The following PCDHGB3 variants were observed in gnomAD, a reference collection of about 807,000 sequenced individuals.
PCDHGB3 encodes protocadherin gamma subfamily B, 3, also known as protocadherin gamma-B3.
A neutral mutation model predicts 59.2 loss-of-function variants in PCDHGB3; 40 were observed. The observed-to-expected ratio is 0.68, with a 90% CI of 0.52 to 0.88. The LOEUF (loss-of-function observed/expected upper bound fraction) is 0.88. PCDHGB3 is among the 40% of genes least tolerant of loss of function. The probability of loss-of-function intolerance (pLI) is 0.00; values close to 1 mark genes in which losing one functional copy is unlikely to be tolerated. For missense variants in PCDHGB3, 1,309 were observed against 1,187.9 expected, an observed-to-expected ratio of 1.10 and a Z score of -1.50; for synonymous variants, 581 against 503.6, an observed-to-expected ratio of 1.15 and a Z score of -2.06.
chr5:141,435,733 T>C (rs950139563), intron 1 of PCDHGB3, among the ~76,000 whole-genome samples: 12 of 152,208 alleles, frequency 7.9e-5, no homozygotes, highest in African/African-American at 2.7e-4. Context: ...AGTGTATTAC[T>C]CTTTGAAAAG....
rs1241061038 is a variant in PCDHGB3 at position 141,394,846 on chromosome 5, T to C, written c.2415+22037T>C. ...GAAGTCCTGACCGAGTTGGGCAGTC[T>C]GAAGCCTTCGGTCGACCCGAACGAT... On this transcript the variant is annotated intron_variant, in intron 1 of 3. Coordinates refer to ENST00000576222, the MANE Select transcript of PCDHGB3 (RefSeq NM_018924.5). The C allele has an allele frequency of 1.9e-6, 3 of 1,613,732 alleles. No homozygotes were observed. In the African/African-American group the frequency reaches 4.0e-5, roughly 22 times the overall value.
Position 141,504,006 on chromosome 5 carries a change from G to C in PCDHGB3, c.2475-1387G>C, listed in dbSNP as rs138738950. Among the ~76,000 whole-genome samples, 1,431 of 152,182 alleles carry C rather than the reference G, an allele frequency of 9.4e-3. 31 individuals are homozygous for C. The highest frequency in any genetic ancestry group is 0.033 in the African/African-American group (1,367 of 41,490). On this transcript the variant is annotated intron_variant, in intron 2 of 3. Coordinates refer to ENST00000576222, the MANE Select transcript of PCDHGB3 (RefSeq NM_018924.5). The stretch of plus-strand genomic sequence containing the variant: ...CTTCTTACCTTACAGTCACTTAACT[G>C]TCTCTGCTGGTCTCTTCCCACTCAT...
chr5:141,481,229 A>G (rs989963485), intron 1 of PCDHGB3, among the ~76,000 whole-genome samples: 5 of 152,212 alleles, frequency 3.3e-5, no homozygotes, highest in African/African-American at 4.8e-5. Context: ...TCCCAGCCTT[A>G]AAGTATTACA....
At chr5:141,383,684 T>C in intron 1 of PCDHGB3, 5 of 1,614,014 alleles carry the variant, frequency 3.1e-6, no homozygotes, top group Non-Finnish European at 4.2e-6. Flanking sequence ...ACAAGACTGC[T>C]CACGGTACAT....
chr5:141,428,459 A>G (rs1322945046), intron 1 of PCDHGB3: 2 of 350,154 alleles, frequency 5.7e-6, no homozygotes, highest in Non-Finnish European at 1.1e-5. Flanking sequence ...CCCAACTACA[A>G]TGAGGGAACT....
chr5:141,414,052 T>C, intron 1 of PCDHGB3: 1 of 1,610,346 alleles, frequency 6.2e-7, no homozygotes, highest in Non-Finnish European at 8.5e-7. Flanking sequence ...TGACACGCAA[T>C]TGTTGAAGTT....
rs953428261 is a variant in PCDHGB3, at chr5:141,430,262, T to C, written c.2415+57453T>C. On this transcript the variant is annotated intron_variant, in intron 1 of 3. Coordinates refer to ENST00000576222, the MANE Select transcript of PCDHGB3 (RefSeq NM_018924.5). ...AACTCCTAGGGAGACATCTCCATAA[T>C]AGGTGTGTTGGGGGAACAGTAATCT... Among the ~76,000 whole-genome samples the C allele has an allele frequency of 2.6e-5, 4 of 151,892 alleles. No homozygotes were observed. The East Asian group carries it at 5.8e-4, about 22-fold the overall frequency.
intron 1 of PCDHGB3, among the ~76,000 whole-genome samples, chr5:141,456,857 G>A (rs957526443): frequency 6.6e-5 from 10 of 152,234 alleles, no homozygotes; most frequent in African/African-American, 2.4e-4. Context: ...CAGCTAATTG[G>A]GAGGCTGAGG....
At chr5:141,474,658 A>G (rs950490550) in intron 1 of PCDHGB3, among the ~76,000 whole-genome samples, 13 of 152,176 alleles carry the variant, frequency 8.5e-5, no homozygotes, top group African/African-American at 3.1e-4. Flanking sequence ...CTTCTTTTCT[A>G]CCTACCTAAC....
In PCDHGB3 at chr5:141,389,617, A is replaced by G. The variant is rs375985151; in HGVS notation, c.2415+16808A>G. 179 of 1,612,924 alleles carry G rather than the reference A, an allele frequency of 1.1e-4. No individual in the cohort carries two copies. The Middle Eastern group carries it at 3.6e-3, about 32-fold the overall frequency. ...TCTGCGCTCTTCGATATGGTGCCGC[A>G]CGCTGCAGAGCCTGGCTACTTGGTG... is the stretch of plus-strand genomic sequence containing the variant. On this transcript the variant is annotated intron_variant, in intron 1 of 3. Transcript: ENST00000576222.
At chr5:141,446,830 A>G (rs1289946397) in intron 1 of PCDHGB3, among the ~76,000 whole-genome samples, 1 of 152,176 alleles carries the variant, frequency 6.6e-6, no homozygotes, top group Non-Finnish European at 1.5e-5. Flanking sequence ...GTAGATCCTT[A>G]TAAGGCTGAG....
At chr5:141,404,672 G>T in intron 1 of PCDHGB3, 1 of 1,614,156 alleles carries the variant, frequency 6.2e-7, no homozygotes, top group Non-Finnish European at 8.5e-7. Flanking sequence ...TGGTTCTACT[G>T]GTGTGGAGCT....
intron 1 of PCDHGB3, among the ~76,000 whole-genome samples, chr5:141,382,255 A>C (rs999860225): frequency 6.6e-6 from 1 of 152,204 alleles, no homozygotes. Flanking sequence ...ATCTTGCATC[A>C]TGGTGTCTAG....
chr5:141,421,388 G>A (rs369403750), intron 1 of PCDHGB3: 1 of 1,613,934 alleles, frequency 6.2e-7, no homozygotes, highest in Non-Finnish European at 8.5e-7. Context: ...AAGGACCTGG[G>A]GCTGGAGCCC....
chr5:141,388,886 A>G (rs542218864), intron 1 of PCDHGB3: 1 of 1,613,988 alleles, frequency 6.2e-7, no homozygotes, highest in Non-Finnish European at 8.5e-7. Flanking sequence ...TGGAGGTAGA[A>G]GTCATAGATG....
At chr5:141,436,324 G>A (rs972756085) in intron 1 of PCDHGB3, among the ~76,000 whole-genome samples, 10 of 152,134 alleles carry the variant, frequency 6.6e-5, no homozygotes, top group African/African-American at 2.4e-4. Flanking sequence ...AAGACTGTTA[G>A]ACCATATCTC....
At chr5:141,449,148 T>C (rs570694341) in intron 1 of PCDHGB3, among the ~76,000 whole-genome samples, 20 of 152,268 alleles carry the variant, frequency 1.3e-4, no homozygotes, top group African/African-American at 4.8e-4. Flanking sequence ...AATTGCTGGG[T>C]CAAAGAGGAA....
chr5:141,418,819 A>T (rs1285247926), intron 1 of PCDHGB3: 1 of 1,613,868 alleles, frequency 6.2e-7, no homozygotes, highest in African/African-American at 1.3e-5. Context: ...TAAACATAGA[A>T]GCAAAAGACC....
intron 1 of PCDHGB3, chr5:141,399,034 C>T: frequency 6.2e-7 from 1 of 1,613,796 alleles, no homozygotes; most frequent in Non-Finnish European, 8.5e-7. Context: ...TCAAAAGAAA[C>T]TGGATTTTGA....
Sources: gnomAD v4.1 joint callset for allele counts (sites outside exome capture counted in the v4.1 genomes callset) on GRCh38, gnomAD v4.1.1 for gene constraint, MANE v1.5 for transcripts, NCBI Gene and HGNC (gene_info 2026-07-23, HGNC 2026-07-21) for gene names.